The following DLC1 variants were observed in gnomAD, a reference collection of about 807,000 sequenced individuals.
DLC1 encodes rho GTPase-activating protein 7.
In DLC1, 54 loss-of-function variants were observed where a neutral mutation model predicts 140.3. That is an observed-to-expected ratio of 0.38 (90% CI 0.31 to 0.48). The LOEUF (loss-of-function observed/expected upper bound fraction) is 0.48, where lower values mean the gene tolerates loss of function less well. Ranked by LOEUF, DLC1 falls within the 20% of genes least tolerant of loss-of-function variation. The probability of loss-of-function intolerance (pLI) is 0.96; values close to 1 mark genes in which losing one functional copy is unlikely to be tolerated. For synonymous variants in DLC1, 986 were observed against 728.1 expected (o/e 1.35, Z -5.70); for missense variants, 2,536 against 1,907.0 (o/e 1.33, Z -6.14).
chr8:13,530,002 A>G (rs1174556808), intron 1 of DLC1, among the ~76,000 whole-genome samples: 1 of 152,186 alleles, frequency 6.6e-6, no homozygotes, highest in Non-Finnish European at 1.5e-5. Context: ...CAGAATTTTG[A>G]GTAGTGGAGG....
At chr8:13,516,187 G>A (rs998689644), upstream of DLC1, among the ~76,000 whole-genome samples, 1 of 152,120 alleles carries the variant, frequency 6.6e-6, no homozygotes, top group African/African-American at 2.4e-5. Context: ...CTGATGATCA[G>A]ATTAATTATT....
At chr8:13,490,934 C>A (rs1198837536) in intron 2 of DLC1, among the ~76,000 whole-genome samples, 5 of 149,748 alleles carry the variant, frequency 3.3e-5, no homozygotes, top group African/African-American at 9.8e-5. Context: ...ATATCTGGAA[C>A]AAGGAACGTT....
intron 5 of DLC1, among the ~76,000 whole-genome samples, chr8:13,241,038 C>G (rs1462529636): frequency 6.6e-6 from 1 of 152,098 alleles, no homozygotes; most frequent in Non-Finnish European, 1.5e-5. Flanking sequence ...GGGAGACAGC[C>G]AGGGAGAAAA....
chr8:13,288,707 G>T (rs1328814938), intron 5 of DLC1, among the ~76,000 whole-genome samples: 1 of 152,184 alleles, frequency 6.6e-6, no homozygotes. Flanking sequence ...CAACAGGAGA[G>T]GCGGCCCCTA....
chr8:13,490,526 G>A (rs1438662766), intron 2 of DLC1, among the ~76,000 whole-genome samples: 1 of 152,158 alleles, frequency 6.6e-6, no homozygotes, highest in Admixed American at 6.5e-5. Context: ...CCAGATAAGA[G>A]GCAGGACTCT....
At chr8:13,550,453 T>C (rs1803807963) in intron 1 of DLC1, among the ~76,000 whole-genome samples, 1 of 152,126 alleles carries the variant, frequency 6.6e-6, no homozygotes, top group Admixed American at 6.6e-5. Flanking sequence ...AGAAGACTAA[T>C]ACAGAATTTT....
At chr8:13,298,536 C>G (rs1267586202) in intron 5 of DLC1, among the ~76,000 whole-genome samples, 2 of 152,140 alleles carry the variant, frequency 1.3e-5, no homozygotes, top group Non-Finnish European at 2.9e-5. Context: ...GCAGGACACA[C>G]AAAGACAATA....
chr8:13,381,396 C>A (rs1490865268), intron 4 of DLC1, among the ~76,000 whole-genome samples: 3 of 152,224 alleles, frequency 2.0e-5, no homozygotes, highest in African/African-American at 7.2e-5. Context: ...ATCTGCAATA[C>A]ATCCTCCAGT....
At chr8:13,541,417 C>A (rs62492089) in intron 1 of DLC1, among the ~76,000 whole-genome samples, 10,319 of 152,250 alleles carry the variant, frequency 0.068, 565 homozygotes, top group Admixed American at 0.17. Flanking sequence ...TACCCAGCAA[C>A]AACAATCTCT....
intron 13 of DLC1, among the ~76,000 whole-genome samples, chr8:13,091,725 C>A (rs948932120): frequency 6.6e-6 from 1 of 152,078 alleles, no homozygotes; most frequent in Non-Finnish European, 1.5e-5. Context: ...GCTGTGTTTG[C>A]ATGGTGGGGG....
chr8:13,202,922 C>T (rs1585902475), intron 5 of DLC1, among the ~76,000 whole-genome samples: 1 of 152,250 alleles, frequency 6.6e-6, no homozygotes, highest in Non-Finnish European at 1.5e-5. Context: ...AATCCACCCG[C>T]CTCAGCCTCC....
chr8:13,539,173 T>TTGTTTGTATGTA (rs5889450), intron 1 of DLC1, among the ~76,000 whole-genome samples: 1 of 110,390 alleles, frequency 9.1e-6, no homozygotes, highest in African/African-American at 3.7e-5. Flanking sequence ...GATCTGCAAA[T>TTGTTTGTATGTA]TGTATGTATG....
chr8:13,435,891 T>C (rs539580175), intron 2 of DLC1, among the ~76,000 whole-genome samples: 91 of 152,296 alleles, frequency 6.0e-4, no homozygotes, highest in African/African-American at 1.7e-3. Flanking sequence ...TTTTAAGAAA[T>C]TGCCATGGCC....
At chr8:13,247,766 T>A (rs1379205992) in intron 5 of DLC1, among the ~76,000 whole-genome samples, 4 of 152,316 alleles carry the variant, frequency 2.6e-5, no homozygotes, top group African/African-American at 9.6e-5. Context: ...CTGCTTTATC[T>A]TCCAGGCTGA....
intron 1 of DLC1, among the ~76,000 whole-genome samples, chr8:13,560,428 C>G (rs2117379671): frequency 6.6e-6 from 1 of 151,458 alleles, no homozygotes; most frequent in East Asian, 1.9e-4. Context: ...TCACAAGGCC[C>G]CCACAGATGT....
intron 4 of DLC1, among the ~76,000 whole-genome samples, chr8:13,336,175 CT>C (rs1833804486): frequency 6.6e-6 from 1 of 152,130 alleles, no homozygotes; most frequent in African/African-American, 2.4e-5. Flanking sequence ...TCATCTAAGT[CT>C]TTGAAGCATA....
At chr8:13,348,989 G>A (rs900126082) in intron 4 of DLC1, among the ~76,000 whole-genome samples, 4 of 152,164 alleles carry the variant, frequency 2.6e-5, no homozygotes, top group East Asian at 3.9e-4. Flanking sequence ...ACAGGCATAG[G>A]GAGATGAAAA....
At chr8:13,437,904 T>C (rs1839193846) in intron 2 of DLC1, among the ~76,000 whole-genome samples, 2 of 151,818 alleles carry the variant, frequency 1.3e-5, no homozygotes, top group Admixed American at 1.3e-4. Flanking sequence ...TTCAGACTAA[T>C]GGGTCCCTGA....
rs146979742 is a variant in DLC1, at chr8:13,187,207, T to C, written c.1349-71550A>G. 3.8e-3 allele frequency among the ~76,000 whole-genome samples: 577 copies of C among 152,252 alleles called. 4 individuals carry two copies. Among genetic ancestry groups the C allele is most frequent in the African/African-American group, 0.013 (540 of 41,556 alleles). Reference sequence around the variant, plus strand: ...AATGTAAGAATCTATACAGAATGTATAATTTATTTTTTCTCTGTTGTTTGC... The same window carrying C: ...AATGTAAGAATCTATACAGAATGTACAATTTATTTTTTCTCTGTTGTTTGC... On this transcript the variant is annotated intron_variant, in intron 5 of 17. Transcript: ENST00000276297.
Sources: allele counts gnomAD v4.1 joint callset (sites outside exome capture counted in the v4.1 genomes callset), GRCh38; gene constraint gnomAD v4.1.1; transcripts MANE v1.5; gene names NCBI Gene and HGNC (gene_info 2026-07-23, HGNC 2026-07-21).